The following STXBP6 variants were observed in gnomAD, a reference collection of about 807,000 sequenced individuals.
The protein encoded by STXBP6 is syntaxin-binding protein 6.
In STXBP6, 21 loss-of-function variants were observed where a neutral mutation model predicts 26.9. The ratio of observed to expected loss-of-function variants is 0.78; its 90% CI spans 0.55 to 1.12. STXBP6 has a LOEUF of 1.12. Among genes scored for constraint, STXBP6 ranks in the 50% most tolerant of loss-of-function variants. The probability of loss-of-function intolerance (pLI) is 0.00; values close to 1 mark genes in which losing one functional copy is unlikely to be tolerated. For missense variants in STXBP6, 232 were observed against 257.9 expected (o/e 0.90, Z 0.69); for synonymous variants, 97 against 92.6 (o/e 1.05, Z -0.27).
chr14:24,960,741 G>C (rs1228175408), intron 2 of STXBP6, among the ~76,000 whole-genome samples: 12 of 152,200 alleles, frequency 7.9e-5, no homozygotes, highest in African/African-American at 2.9e-4. Context: ...AACTTGAGAA[G>C]AAAGAGAGCC....
chr14:24,965,981 ACAGCTGCCTTAGTTTGCAATCTCC>A (rs1464788181), intron 2 of STXBP6, among the ~76,000 whole-genome samples: 3 of 152,214 alleles, frequency 2.0e-5, no homozygotes, highest in Non-Finnish European at 4.4e-5. Context: ...TGCCAGAAGG[ACAGCTGCCTTAGTTTGCAATCTCC>A]CTAACCACCA....
chr14:24,981,115 T>G (rs1360250649), intron 1 of STXBP6, among the ~76,000 whole-genome samples: 1 of 152,256 alleles, frequency 6.6e-6, no homozygotes. Flanking sequence ...GCAAATATTT[T>G]GTAAAGCCCT....
intron 4 of STXBP6, among the ~76,000 whole-genome samples, chr14:24,847,219 C>T (rs1257310579): frequency 6.6e-6 from 1 of 152,128 alleles, no homozygotes; most frequent in African/African-American, 2.4e-5. Context: ...TACAGCTTCT[C>T]TTCACTAAAA....
At chr14:24,927,662 T>C (rs762755566) in intron 2 of STXBP6, among the ~76,000 whole-genome samples, 27 of 152,354 alleles carry the variant, frequency 1.8e-4, no homozygotes, top group Non-Finnish European at 3.4e-4. Context: ...GACAGACACA[T>C]AGTCTCTCTA....
intron 2 of STXBP6, among the ~76,000 whole-genome samples, chr14:24,929,877 AG>A (rs1340057998): frequency 6.6e-6 from 1 of 152,206 alleles, no homozygotes; most frequent in East Asian, 1.9e-4. Flanking sequence ...TCCTGGCAGA[AG>A]GGGTAGCAGT....
intron 2 of STXBP6, among the ~76,000 whole-genome samples, chr14:24,938,631 C>T (rs1427041430): frequency 6.7e-6 from 1 of 150,086 alleles, no homozygotes; most frequent in African/African-American, 2.4e-5. Context: ...AAAGTTAGTC[C>T]ATTATACCAG....
At chr14:24,927,664 GTCTC>G (rs1217296686) in intron 2 of STXBP6, among the ~76,000 whole-genome samples, 2 of 152,130 alleles carry the variant, frequency 1.3e-5, no homozygotes, top group African/African-American at 2.4e-5. Context: ...CAGACACATA[GTCTC>G]TCTATGTCCT....
In STXBP6 at chr14:24,975,894, A is replaced by G. The variant is rs1300690470; in HGVS notation, c.-32-1044T>C. ...CTAGTCATAAATAGTCTGTGCCCTA[A>G]TAATGAATAGATATTTGTTCAGGCA... is the stretch of plus-strand genomic sequence containing the variant. On this transcript the variant is annotated intron_variant, in intron 1 of 5. Coordinates refer to ENST00000323944, the MANE Select transcript of STXBP6 (RefSeq NM_001394410.1). Among the ~76,000 whole-genome samples the G allele has an allele frequency of 2.6e-5, 4 of 152,250 alleles. No homozygotes were observed. In the East Asian group the frequency reaches 5.8e-4, roughly 22 times the overall value.
In STXBP6 at chr14:24,812,154, A is replaced by G. The variant is rs368859497; in HGVS notation, c.*555T>C. ...ATTACTATGCAAGGAGCAAAATCTA[A>G]GACTGCTGTTTTTCCCAATAAATTC... is the stretch of plus-strand genomic sequence containing the variant. On this transcript the variant is annotated 3_prime_UTR_variant, in exon 6 of 6. Transcript: ENST00000323944. 42 of 152,212 alleles carry G rather than the reference A, an allele frequency of 2.8e-4. No homozygotes were observed. The highest frequency in any genetic ancestry group is 9.9e-4 in the African/African-American group (41 of 41,522). The allele number at this position is 152,212 out of a possible 1,614,324, so 9.4% of individuals were successfully genotyped here. A position where few individuals can be genotyped will look rare whatever the true frequency, so the allele number is the denominator to read the frequency against.
At chr14:24,818,956 G>A (rs1300385286) in intron 5 of STXBP6, 81 bp downstream of exon 5, 19 of 1,480,758 alleles carry the variant, frequency 1.3e-5, no homozygotes, top group Non-Finnish European at 1.4e-5. Flanking sequence ...CTCATCACAG[G>A]AAAATACTGA....
rs373912349 is a variant in STXBP6 at position 24,852,727 on chromosome 14, C to T, written c.451+3209G>A. On this transcript the variant is annotated intron_variant, in intron 4 of 5. Transcript: ENST00000323944. ...AAAAAGTTAAAACTATCCATAAAGG[C>T]GGGTTTTCTCCCACCTCCCTTTTTA... Among the ~76,000 whole-genome samples the T allele has an allele frequency of 1.3e-4, 20 of 152,200 alleles. No homozygotes were observed. The South Asian group carries it at 2.3e-3, about 17-fold the overall frequency.
At chr14:24,888,998 T>G (rs1185389594) in intron 2 of STXBP6, among the ~76,000 whole-genome samples, 1 of 151,972 alleles carries the variant, frequency 6.6e-6, no homozygotes, top group Non-Finnish European at 1.5e-5. Context: ...TACAGGCAGA[T>G]TAGAAAACCC....
intron 1 of STXBP6, among the ~76,000 whole-genome samples, chr14:25,036,961 A>G (rs1202717078): frequency 6.6e-6 from 1 of 152,178 alleles, no homozygotes; most frequent in African/African-American, 2.4e-5. Context: ...CGGAATATAC[A>G]CGGAATATAT....
chr14:25,004,101 T>C (rs530594138), intron 1 of STXBP6, among the ~76,000 whole-genome samples: 8 of 152,048 alleles, frequency 5.3e-5, no homozygotes, highest in Non-Finnish European at 1.2e-4. Flanking sequence ...CGAATGTGAG[T>C]GATCGTGCAA....
intron 1 of STXBP6, among the ~76,000 whole-genome samples, chr14:24,997,384 CA>C (rs1259604139): frequency 6.6e-6 from 1 of 152,202 alleles, no homozygotes; most frequent in Non-Finnish European, 1.5e-5. Context: ...AGGTTCAGTT[CA>C]AACCTCTTCT....
intron 1 of STXBP6, among the ~76,000 whole-genome samples, chr14:25,037,927 T>C (rs1300960531): frequency 6.6e-6 from 1 of 152,230 alleles, no homozygotes; most frequent in African/African-American, 2.4e-5. Flanking sequence ...TTTATACCTC[T>C]ATATACCACT....
chr14:25,013,051 C>G (rs2075066222), intron 1 of STXBP6, among the ~76,000 whole-genome samples: 1 of 152,140 alleles, frequency 6.6e-6, no homozygotes, highest in Non-Finnish European at 1.5e-5. Context: ...ACGATAGTTG[C>G]ACGGCACTCC....
rs879572332 is a variant in STXBP6, at chr14:24,812,723, T to C, written c.619A>G (p.Lys207Glu). 6.2e-7 allele frequency: 1 copy of C among 1,613,804 alleles called. No individual in the cohort carries two copies. Among genetic ancestry groups the C allele is most frequent in the Non-Finnish European group, 8.5e-7 (1 of 1,179,760 alleles). Residue 207 changes from lysine (K) to glutamate (E), a missense_variant, in exon 6 of 6, where the codon AAG becomes GAG. Transcript: ENST00000323944. ...FAETAHKLAM[K>E]HKC is the part of the protein sequence containing the mutation. ...TAGGCAGTTTCTCAACATTTGTGCT[T>C]CATGGCAAGCTAAGGAGAGAGAGGA...
At chr14:24,974,990 A>G (rs893941264) in intron 1 of STXBP6, 140 bp from the exon 2 acceptor site, 5 of 516,132 alleles carry the variant, frequency 9.7e-6, no homozygotes, top group Non-Finnish European at 1.6e-5. Flanking sequence ...AATGTATTAT[A>G]GAAACATTAA....
Sources: allele counts gnomAD v4.1 joint callset (sites outside exome capture counted in the v4.1 genomes callset), GRCh38; gene constraint gnomAD v4.1.1; transcripts MANE v1.5; gene names NCBI Gene and HGNC (gene_info 2026-07-23, HGNC 2026-07-21).